The following ZNF521 variants were observed in gnomAD, a reference collection of about 807,000 sequenced individuals.
ZNF521 encodes the protein LYST-interacting protein 3.
ZNF521 carries 14 observed loss-of-function variants against 105.5 expected under a neutral mutation model. The ratio of observed to expected loss-of-function variants is 0.13; its 90% confidence interval spans 0.09 to 0.21. The LOEUF is 0.21. Among genes scored for constraint, ZNF521 ranks in the 10% least tolerant of loss-of-function variants. ZNF521 has a pLI of 1.00. For synonymous variants in ZNF521, 635 were observed against 606.0 expected (o/e 1.05, Z -0.70); for missense variants, 1,233 against 1,629.7 (o/e 0.76, Z 4.19).
chr18:25,093,965 T>A (rs2033801642), intron 5 of ZNF521, among the ~76,000 whole-genome samples: 1 of 152,208 alleles, frequency 6.6e-6, no homozygotes, highest in Admixed American at 6.5e-5. Flanking sequence ...ACTTGCTAAC[T>A]TTAAAAGTTC....
At chr18:25,160,710 T>A (rs1183524086) in intron 5 of ZNF521, among the ~76,000 whole-genome samples, 2 of 152,210 alleles carry the variant, frequency 1.3e-5, no homozygotes, top group African/African-American at 2.4e-5. Context: ...AGGTGAGAAC[T>A]TTTCCTCTGA....
At chr18:25,340,391 TCAAA>T (rs890077078) in intron 2 of ZNF521, among the ~76,000 whole-genome samples, 1 of 151,706 alleles carries the variant, frequency 6.6e-6, no homozygotes, top group African/African-American at 2.4e-5. Flanking sequence ...AATAACAAAA[TCAAA>T]CAACACACTT....
intron 2 of ZNF521, among the ~76,000 whole-genome samples, chr18:25,350,110 G>C (rs934477623): frequency 2.6e-5 from 4 of 152,070 alleles, no homozygotes; most frequent in African/African-American, 9.7e-5. Flanking sequence ...GATAACTTCA[G>C]GGACCCCCGC....
rs111370825 is a variant in ZNF521, at chr18:25,247,814, G to T, written c.221-20117C>A. On this transcript the variant is annotated intron_variant, in intron 3 of 7. Transcript: ENST00000361524. ...GTCCATTTATAAGGCTATGGCAATG[G>T]TCCAGTGAGAGGCAAAAAAACCTAA... is the stretch of plus-strand genomic sequence containing the variant. Among the ~76,000 whole-genome samples the T allele has an allele frequency of 6.9e-3, 1,057 of 152,236 alleles. 17 individuals are homozygous for T. The highest frequency in any genetic ancestry group is 0.023 in the African/African-American group (969 of 41,532).
rs1914721826 is a variant in ZNF521 at position 25,350,899 on chromosome 18, C to T, written c.40+8G>A. On this transcript the variant is annotated splice_region_variant and intron_variant, in intron 2 of 7. Coordinates refer to ENST00000361524, the MANE Select transcript of ZNF521 (RefSeq NM_015461.3). ...GGGGAAAGCGGGGAGCAGGGGGTTC[C>T]TCCTTACCTTTGAGGGATCTCGGTT... 1 of 1,550,648 alleles carries T rather than the reference C, an allele frequency of 6.4e-7. No individual in the cohort carries two copies. Among genetic ancestry groups the T allele is most frequent in the South Asian group, 1.2e-5 (1 of 84,008 alleles).
At chr18:25,262,025 G>C (rs1279831099) in intron 3 of ZNF521, among the ~76,000 whole-genome samples, 2 of 152,122 alleles carry the variant, frequency 1.3e-5, no homozygotes, top group Admixed American at 6.5e-5. Flanking sequence ...CAACAATTAA[G>C]AGACAGTAGC....
chr18:25,318,310 T>C (rs1039320750), intron 3 of ZNF521, among the ~76,000 whole-genome samples: 3 of 152,160 alleles, frequency 2.0e-5, no homozygotes, highest in African/African-American at 7.2e-5. Flanking sequence ...TGGTTACTTC[T>C]AGTGGAGCAT....
At chr18:25,091,368 T>A (rs1180285860) in intron 6 of ZNF521, among the ~76,000 whole-genome samples, 1 of 152,216 alleles carries the variant, frequency 6.6e-6, no homozygotes, top group Non-Finnish European at 1.5e-5. Flanking sequence ...AATGCTATCG[T>A]ATCTGTTAAA....
rs56364504 is a variant in ZNF521, at chr18:25,083,931, ATTTT to A, written c.3906+5530_3906+5533del. 9.3e-3 allele frequency among the ~76,000 whole-genome samples: 537 copies of A among 57,836 alleles called. 3 individuals are homozygous for A. The highest frequency in any genetic ancestry group is 0.037 in the African/African-American group (513 of 13,734). 37.9% of individuals were successfully genotyped at this position (57,836 alleles called of 152,430 possible). A position where few individuals can be genotyped will look rare whatever the true frequency, so the allele number is the denominator to read the frequency against. ...GACCACAGGCACCTCAACCTGGGTA[ATTTT>A]TTTTTTTTTTTTTTTTTTTTTTTTT... is the stretch of plus-strand genomic sequence containing the variant. On this transcript the variant is annotated intron_variant, in intron 7 of 7. Transcript: ENST00000361524.
chr18:25,227,738 A>C lies in ZNF521; in HGVS notation c.221-41T>G. 1 of 1,540,274 alleles carries C rather than the reference A, an allele frequency of 6.5e-7. No homozygotes were observed. Among genetic ancestry groups the C allele is most frequent in the South Asian group, 1.2e-5 (1 of 82,272 alleles). ...ATGACAAATTTCATCTGACATGTTGAGATTCAAGAGTGAGTTTACCGTAGC... is the reference window on the plus strand; with the variant it reads ...ATGACAAATTTCATCTGACATGTTGCGATTCAAGAGTGAGTTTACCGTAGC... On this transcript the variant is annotated intron_variant, in intron 3 of 7. Coordinates refer to ENST00000361524, the MANE Select transcript of ZNF521 (RefSeq NM_015461.3). The surrounding 1 kb of genome is among the most constrained non-coding windows in gnomAD (Gnocchi z 5.7).
intron 4 of ZNF521, chr18:25,202,329 A>G (rs1386597407): frequency 1.3e-5 from 2 of 152,222 alleles, no homozygotes; most frequent in East Asian, 3.8e-4. Flanking sequence ...AAAAACCAAT[A>G]CATTATGACA....
At chr18:25,328,633 A>G (rs1288881576) in intron 2 of ZNF521, among the ~76,000 whole-genome samples, 2 of 151,232 alleles carry the variant, frequency 1.3e-5, no homozygotes, top group African/African-American at 2.4e-5. Context: ...GCTCACTGCA[A>G]CCTCCGCCTC....
intron 3 of ZNF521, among the ~76,000 whole-genome samples, chr18:25,293,386 A>ACACAC: frequency 6.6e-6 from 1 of 151,406 alleles, no homozygotes; most frequent in South Asian, 2.1e-4. Flanking sequence ...ACACACACAC[A>ACACAC]AATTCCTTAA....
intron 3 of ZNF521, among the ~76,000 whole-genome samples, chr18:25,283,765 GACGGGAGTTTAAA>G (rs1169156238): frequency 2.6e-5 from 4 of 152,130 alleles, no homozygotes; most frequent in African/African-American, 9.7e-5. Flanking sequence ...CATCATCATT[GACGGGAGTTTAAA>G]ACCTTATTAT....
chr18:25,206,139 G>GC (rs1401233021), intron 4 of ZNF521, among the ~76,000 whole-genome samples: 1 of 152,078 alleles, frequency 6.6e-6, no homozygotes, highest in Non-Finnish European at 1.5e-5. Context: ...GAGTAGCTAA[G>GC]ACTACAGGCA....
chr18:25,279,355 T>C (rs576785018), intron 3 of ZNF521, among the ~76,000 whole-genome samples: 3 of 152,358 alleles, frequency 2.0e-5, no homozygotes, highest in Non-Finnish European at 2.9e-5. Flanking sequence ...AATACTACAG[T>C]GGTTTGTGTG....
chr18:25,095,596 T>C (rs2033835518), intron 5 of ZNF521, among the ~76,000 whole-genome samples: 1 of 152,152 alleles, frequency 6.6e-6, no homozygotes, highest in South Asian at 2.1e-4. Flanking sequence ...CCTTGTAGGG[T>C]ACTTTGAAAT....
intron 3 of ZNF521, among the ~76,000 whole-genome samples, chr18:25,305,786 G>T (rs1242767451): frequency 1.3e-5 from 2 of 152,052 alleles, no homozygotes; most frequent in Non-Finnish European, 2.9e-5. Flanking sequence ...TTCAAATCTG[G>T]AATCTGACTC....
intron 3 of ZNF521, among the ~76,000 whole-genome samples, chr18:25,266,494 TC>T (rs938286637): frequency 1.3e-5 from 2 of 150,696 alleles, no homozygotes; most frequent in African/African-American, 4.9e-5. Context: ...GGTCTGCAGC[TC>T]CCAATGAGAT....
Sources: gnomAD v4.1 joint callset for allele counts (sites outside exome capture counted in the v4.1 genomes callset) on GRCh38, gnomAD v4.1.1 for gene constraint, Gnocchi (gnomAD v3.1) non-coding constraint, MANE v1.5 for transcripts, NCBI Gene and HGNC (gene_info 2026-07-23, HGNC 2026-07-21) for gene names.